TANGO6: variants seen among roughly 807,000 people sequenced by gnomAD.
TANGO6 encodes the protein transport and Golgi organization protein 6 homolog.
TANGO6 carries 90 observed loss-of-function variants against 114.2 expected under a neutral mutation model. That is an observed-to-expected ratio of 0.79 (90% CI 0.66 to 0.94). The LOEUF is 0.94. TANGO6 is among the 40% of genes least tolerant of loss of function. The pLI is 0.00. For missense variants in TANGO6, 1,274 were observed against 1,315.3 expected, an observed-to-expected ratio of 0.97 and a Z score of 0.49; for synonymous variants, 477 against 509.8, an observed-to-expected ratio of 0.94 and a Z score of 0.87.
intron 7 of TANGO6, among the ~76,000 whole-genome samples, chr16:68,893,717 C>T (rs1327085205): frequency 9.0e-6 from 1 of 111,032 alleles, no homozygotes. Flanking sequence ...GCCTGGGCGA[C>T]AGAGTGAAAC....
At chr16:68,916,867 C>T (rs1056903811) in intron 11 of TANGO6, among the ~76,000 whole-genome samples, 1 of 152,154 alleles carries the variant, frequency 6.6e-6, no homozygotes, top group Admixed American at 6.6e-5. Flanking sequence ...CCATCTCCCA[C>T]CAGAGTGATG....
At chr16:69,023,031 A>G (rs1424815239) in intron 16 of TANGO6, 52 bp downstream of exon 16, 1 of 1,477,142 alleles carries the variant, frequency 6.8e-7, no homozygotes, top group Non-Finnish European at 9.0e-7. Flanking sequence ...TGGACCTACG[A>G]TGCATCTTGA....
At chr16:68,951,209 G>T (rs1963467865) in intron 14 of TANGO6, among the ~76,000 whole-genome samples, 1 of 151,906 alleles carries the variant, frequency 6.6e-6, no homozygotes, top group African/African-American at 2.4e-5. Context: ...TATAGTCCCA[G>T]CTACTCTGGA....
At chr16:69,057,703 C>G (rs1303557548) in intron 17 of TANGO6, among the ~76,000 whole-genome samples, 3 of 152,134 alleles carry the variant, frequency 2.0e-5, no homozygotes, top group Non-Finnish European at 4.4e-5. Context: ...GGAAAAGAGG[C>G]CAGACCACAT....
At chr16:68,843,842 CTT>C in intron 1 of TANGO6, 131 bp downstream of exon 1, 3 of 827,628 alleles carry the variant, frequency 3.6e-6, no homozygotes, top group Non-Finnish European at 5.8e-6. Context: ...CTGCTGGGGG[CTT>C]TGAGCATTGT....
At chr16:68,985,816 A>G (rs1005627865) in intron 15 of TANGO6, among the ~76,000 whole-genome samples, 1 of 152,198 alleles carries the variant, frequency 6.6e-6, no homozygotes, top group Non-Finnish European at 1.5e-5. Flanking sequence ...CTAATATCTC[A>G]TAGAGAAAAA....
chr16:69,069,171 A>G (rs372249066), intron 17 of TANGO6, among the ~76,000 whole-genome samples: 3 of 152,100 alleles, frequency 2.0e-5, no homozygotes, highest in East Asian at 1.9e-4. Context: ...GGTCCACTTC[A>G]CTCAGTTTGC....
At chr16:68,849,100 C>T (rs1415598920) in intron 1 of TANGO6, among the ~76,000 whole-genome samples, 1 of 152,058 alleles carries the variant, frequency 6.6e-6, no homozygotes, top group Non-Finnish European at 1.5e-5. Flanking sequence ...TTTGGGAGGC[C>T]GAGGTGGGTG....
At chr16:68,944,409 C>T (rs1378009018) in intron 14 of TANGO6, among the ~76,000 whole-genome samples, 7 of 152,134 alleles carry the variant, frequency 4.6e-5, no homozygotes, top group Non-Finnish European at 1.0e-4. Context: ...AATTCTTTCA[C>T]CCAGGCCTCA....
At chr16:68,932,242 C>T (rs1426560776) in intron 14 of TANGO6, among the ~76,000 whole-genome samples, 2 of 152,208 alleles carry the variant, frequency 1.3e-5, no homozygotes, top group East Asian at 1.9e-4. Context: ...AGGCATGTGC[C>T]ACCACACCTG....
At chr16:69,061,974 G>A (rs565337010) in intron 17 of TANGO6, among the ~76,000 whole-genome samples, 16 of 151,898 alleles carry the variant, frequency 1.1e-4, no homozygotes, top group African/African-American at 3.4e-4. Context: ...AGCCGAGATC[G>A]CTCCACTGGC....
At chr16:69,062,161 CTT>C (rs1395540850) in intron 17 of TANGO6, among the ~76,000 whole-genome samples, 3 of 152,184 alleles carry the variant, frequency 2.0e-5, no homozygotes, top group Admixed American at 2.0e-4. Context: ...TGGGTCAAAA[CTT>C]ATTCTGACCG....
intron 2 of TANGO6, among the ~76,000 whole-genome samples, chr16:68,862,541 A>G (rs1234026380): frequency 1.3e-5 from 2 of 152,148 alleles, no homozygotes; most frequent in African/African-American, 4.8e-5. Context: ...GTCACTACTC[A>G]CCCATTTTAA....
intron 17 of TANGO6, among the ~76,000 whole-genome samples, chr16:69,057,045 G>T (rs1960043886): frequency 1.0e-5 from 1 of 98,994 alleles, no homozygotes; most frequent in Non-Finnish European, 1.8e-5. Flanking sequence ...GTCTTGCTCT[G>T]TTGCCCAGGC....
chr16:68,879,420 T>C (rs1962422356), intron 6 of TANGO6, among the ~76,000 whole-genome samples: 2 of 152,138 alleles, frequency 1.3e-5, no homozygotes, highest in South Asian at 4.2e-4. Context: ...AGGTTGAGGT[T>C]GCAGTGAGCC....
chr16:68,996,094 A>T (rs1159443301), intron 15 of TANGO6, among the ~76,000 whole-genome samples: 1 of 152,206 alleles, frequency 6.6e-6, no homozygotes, highest in Non-Finnish European at 1.5e-5. Flanking sequence ...TCTTCTGTTC[A>T]TAAAGGGCTA....
intron 7 of TANGO6, among the ~76,000 whole-genome samples, chr16:68,893,726 A>C: frequency 7.2e-6 from 1 of 139,284 alleles, no homozygotes; most frequent in Non-Finnish European, 1.5e-5. Context: ...ACAGAGTGAA[A>C]CTGTGTCTCA....
intron 11 of TANGO6, among the ~76,000 whole-genome samples, chr16:68,914,875 T>TG (rs200557990): frequency 2.1e-5 from 3 of 143,700 alleles, no homozygotes; most frequent in East Asian, 2.0e-4. Context: ...AACAGTTCCC[T>TG]GGGTTTTTTT....
chr16:68,868,608 C>G (rs1281001191), intron 4 of TANGO6, among the ~76,000 whole-genome samples: 1 of 147,410 alleles, frequency 6.8e-6, no homozygotes, highest in Admixed American at 7.1e-5. Context: ...CTCCATTCTT[C>G]TGCCTCAGCC....
Sources: gnomAD v4.1 joint callset for allele counts (sites outside exome capture counted in the v4.1 genomes callset) on GRCh38, gnomAD v4.1.1 for gene constraint, MANE v1.5 for transcripts, NCBI Gene and HGNC (gene_info 2026-07-23, HGNC 2026-07-21) for gene names.